The following FREM1 variants were observed in gnomAD, a reference collection of about 807,000 sequenced individuals.
FREM1 encodes FRAS1 related extracellular matrix 1, also known as FRAS1-related extracellular matrix protein 1.
FREM1 carries 220 observed loss-of-function variants against 210.1 expected under a neutral mutation model. The observed-to-expected ratio is 1.05, with a 90% confidence interval of 0.94 to 1.17. The LOEUF is 1.17. FREM1 is among the 50% of genes most tolerant of loss of function. FREM1 has a pLI of 0.00. For missense variants in FREM1, 3,454 were observed against 2,675.5 expected, an observed-to-expected ratio of 1.29 and a Z score of -6.42; for synonymous variants, 1,189 against 980.2, an observed-to-expected ratio of 1.21 and a Z score of -3.98.
chr9:14,785,679 C>G (rs566761976), intron 23 of FREM1, among the ~76,000 whole-genome samples: 5 of 86,698 alleles, frequency 5.8e-5, no homozygotes, highest in African/African-American at 2.0e-4. Context: ...GTGAAATAAG[C>G]CAGTCATGAA....
intron 3 of FREM1, among the ~76,000 whole-genome samples, chr9:14,862,318 G>C (rs986590884): frequency 9.2e-5 from 14 of 152,224 alleles, no homozygotes; most frequent in Admixed American, 7.9e-4. Context: ...TTGTACAAAA[G>C]TCTTTTACAT....
chr9:14,737,380 G>A lies in FREM1; in HGVS notation c.*16C>T. ...GGTGACAAACTCCAGGTGGCCCCCT[G>A]TAGGGTCTGTTATATTTAGAGTTTT... is the stretch of plus-strand genomic sequence containing the variant. On this transcript the variant is annotated 3_prime_UTR_variant, in exon 37 of 37. Transcript: ENST00000380880. 1.2e-6 allele frequency: 2 copies of A among 1,605,376 alleles called. No individual in the cohort carries two copies. Among genetic ancestry groups the A allele is most frequent in the Middle Eastern group, 1.8e-4 (1 of 5,670 alleles).
chr9:14,742,364 A>C (rs1841725900), intron 35 of FREM1, among the ~76,000 whole-genome samples: 1 of 152,198 alleles, frequency 6.6e-6, no homozygotes, highest in Non-Finnish European at 1.5e-5. Context: ...ATAATGCTCT[A>C]TAATAATATA....
At position 14,746,406 on chromosome 9, in the gene FREM1, C is replaced by A; in HGVS notation, c.6201G>T (p.Leu2067Phe). ...TCCAGGTGCCTTTCTGCTCTGTGAT[C>A]AAGATGTGACAGTAGCCTGAGTGCT... is the stretch of plus-strand genomic sequence containing the variant. ...WHQHSGYCHI[L>F]ITEQKGTWNA... The change falls in exon 35 of 37, where the codon TTG becomes TTT. Residue 2067 changes from leucine to phenylalanine, a missense_variant. Coordinates refer to ENST00000380880, the MANE Select transcript of FREM1 (RefSeq NM_001379081.2). 2 of 1,613,884 alleles carry A rather than the reference C, an allele frequency of 1.2e-6. No homozygotes were observed. Among genetic ancestry groups the A allele is most frequent in the South Asian group, 1.1e-5 (1 of 91,064 alleles).
At position 14,808,132 on chromosome 9, in the gene FREM1, C is replaced by G; in HGVS notation, c.2896G>C (p.Gly966Arg). 1 of 1,584,254 alleles carries G rather than the reference C, an allele frequency of 6.3e-7. No homozygotes were observed. Among genetic ancestry groups the G allele is most frequent in the South Asian group, 1.2e-5 (1 of 84,876 alleles). ...SEAVTYKHTG[G>R]EIGLMPCFDT... Reference sequence around the variant, plus strand: ...AAACAAGGCATCAGGCCAATCTCGCCACCTGGAAGACACAACTATAGCTGA... The same window carrying G: ...AAACAAGGCATCAGGCCAATCTCGCGACCTGGAAGACACAACTATAGCTGA... The change falls in exon 17 of 37, where the codon GGC becomes CGC. Residue 966 changes from glycine (G) to arginine (R), a missense_variant and splice_region_variant. By Grantham distance (125) the Gly-to-Arg change is moderately radical (BLOSUM62 -2). Coordinates refer to ENST00000380880, the MANE Select transcript of FREM1 (RefSeq NM_001379081.2).
chr9:14,833,845 C>CT (rs1351508739), intron 10 of FREM1, among the ~76,000 whole-genome samples: 1 of 152,152 alleles, frequency 6.6e-6, no homozygotes, highest in Non-Finnish European at 1.5e-5. Context: ...TCTTACCACT[C>CT]TTAATGCATG....
rs1046376014 is a variant in FREM1, at chr9:14,849,113, G to A, written c.1153-340C>T. On this transcript the variant is annotated intron_variant, in intron 6 of 36. Coordinates refer to ENST00000380880, the MANE Select transcript of FREM1 (RefSeq NM_001379081.2). ...TCTCAAAGGTGGAGGATCTAGAGAAGTGGTTTTCAACTAGGGGTGATGTTG... is the reference window on the plus strand; with the variant it reads ...TCTCAAAGGTGGAGGATCTAGAGAAATGGTTTTCAACTAGGGGTGATGTTG... Among the ~76,000 whole-genome samples, 44 of 152,174 alleles carry A rather than the reference G, an allele frequency of 2.9e-4. 1 individual carries two copies. The highest frequency in any genetic ancestry group is 7.7e-4 in the African/African-American group (32 of 41,440).
At chr9:14,876,585 C>G (rs1489680531) in intron 1 of FREM1, among the ~76,000 whole-genome samples, 1 of 152,160 alleles carries the variant, frequency 6.6e-6, no homozygotes, top group Non-Finnish European at 1.5e-5. Flanking sequence ...GTCTGTCACC[C>G]CTTTCTTTGA....
rs4741432 is a variant in FREM1 at position 14,793,637 on chromosome 9, G to C, written c.3840-753C>G. ...TGAGAAAGGGATCTCTTTCCACCAG[G>C]GTTTCTAGCTCTCAGTTGTGGTCAT... On this transcript the variant is annotated intron_variant, in intron 21 of 36. Transcript: ENST00000380880. Among the ~76,000 whole-genome samples, 33 of 152,280 alleles carry C rather than the reference G, an allele frequency of 2.2e-4. No individual in the cohort carries two copies. The South Asian group carries it at 6.6e-3, about 31-fold the overall frequency.
chr9:14,757,849 G>T (rs1007126407), intron 28 of FREM1, among the ~76,000 whole-genome samples: 5 of 152,184 alleles, frequency 3.3e-5, no homozygotes, highest in African/African-American at 1.2e-4. Context: ...ACCTTCCTAA[G>T]CTTCCATTTG....
intron 6 of FREM1, 106 bp from the exon 7 acceptor site, chr9:14,848,879 G>A (rs376180097): frequency 5.3e-6 from 3 of 567,608 alleles, no homozygotes; most frequent in Non-Finnish European, 3.2e-6. Flanking sequence ...TTTCTGCGGG[G>A]ATTCACATTT....
intron 3 of FREM1, among the ~76,000 whole-genome samples, chr9:14,862,319 TC>T (rs1434819591): frequency 6.6e-6 from 1 of 152,206 alleles, no homozygotes; most frequent in East Asian, 1.9e-4. Context: ...TGTACAAAAG[TC>T]TTTTACATTA....
rs141583677 is a variant in FREM1, at chr9:14,804,453, C to T, written c.3471+503G>A. ...ACAAAAAATTAGCCGGGCGTGGTGG[C>T]GGGCACCTGCAGTCCCAGCTACTCG... On this transcript the variant is annotated intron_variant, in intron 19 of 36. Coordinates refer to ENST00000380880, the MANE Select transcript of FREM1 (RefSeq NM_001379081.2). Among the ~76,000 whole-genome samples, 118 of 152,220 alleles carry T rather than the reference C, an allele frequency of 7.8e-4. 1 individual carries two copies. The highest frequency in any genetic ancestry group is 2.7e-3 in the African/African-American group (114 of 41,536).
At chr9:14,790,427 C>A (rs999518895) in intron 22 of FREM1, among the ~76,000 whole-genome samples, 2 of 152,092 alleles carry the variant, frequency 1.3e-5, no homozygotes, top group Non-Finnish European at 2.9e-5. Context: ...TCCATAAGAC[C>A]TATTTGCCAA....
At chr9:14,807,324 G>GT (rs1268098412) in intron 17 of FREM1, among the ~76,000 whole-genome samples, 1 of 152,202 alleles carries the variant, frequency 6.6e-6, no homozygotes, top group Non-Finnish European at 1.5e-5. Flanking sequence ...ATAACGAAGA[G>GT]TTTTTTCGTG....
chr9:14,804,553 C>T (rs1175392740), intron 19 of FREM1, among the ~76,000 whole-genome samples: 5 of 152,144 alleles, frequency 3.3e-5, no homozygotes, highest in Non-Finnish European at 7.4e-5. Context: ...CCACTGCACT[C>T]CAGCCTGGGC....
At chr9:14,905,108 G>A (rs1817464960) in intron 1 of FREM1, among the ~76,000 whole-genome samples, 1 of 151,956 alleles carries the variant, frequency 6.6e-6, no homozygotes, top group Admixed American at 6.6e-5. Context: ...AAAAAAGTCT[G>A]CTGTTTCTCC....
intron 5 of FREM1, among the ~76,000 whole-genome samples, chr9:14,855,458 A>T (rs971892101): frequency 6.6e-6 from 1 of 152,130 alleles, no homozygotes; most frequent in African/African-American, 2.4e-5. Context: ...GTGAAGGATC[A>T]TTTGGTCACT....
At chr9:14,768,413 C>CT (rs1237185262) in intron 27 of FREM1, among the ~76,000 whole-genome samples, 1 of 150,102 alleles carries the variant, frequency 6.7e-6, no homozygotes, top group Non-Finnish European at 1.5e-5. Flanking sequence ...GATTGTGATC[C>CT]TGGGAATTAT....
Sources: allele counts gnomAD v4.1 joint callset (sites outside exome capture counted in the v4.1 genomes callset), GRCh38; gene constraint gnomAD v4.1.1; transcripts MANE v1.5; gene names NCBI Gene and HGNC (gene_info 2026-07-23, HGNC 2026-07-21).